IGHMBP2: variants seen among roughly 807,000 people sequenced by gnomAD.
IGHMBP2 encodes DNA-binding protein SMUBP-2.
In IGHMBP2, 81 loss-of-function variants were observed where a neutral mutation model predicts 96.0. The observed-to-expected ratio is 0.84, with a 90% CI of 0.71 to 1.01. The LOEUF is 1.01. Among genes scored for constraint, IGHMBP2 ranks in the 50% least tolerant of loss-of-function variants. The pLI is 0.00. For synonymous variants in IGHMBP2, 557 were observed against 548.9 expected (o/e 1.01, Z -0.21); for missense variants, 1,227 against 1,306.3 (o/e 0.94, Z 0.94).
intron 7 of IGHMBP2, among the ~76,000 whole-genome samples, chr11:68,925,347 C>T (rs1224383118): frequency 1.3e-5 from 2 of 151,944 alleles, no homozygotes; most frequent in Non-Finnish European, 2.9e-5. Context: ...CTGGATTTCA[C>T]CATGTTGGCC....
At chr11:68,911,059 A>C (rs1858410234) in intron 4 of IGHMBP2, among the ~76,000 whole-genome samples, 1 of 152,150 alleles carries the variant, frequency 6.6e-6, no homozygotes. Flanking sequence ...CATTTCCTTC[A>C]TTCCTGTTAC....
At chr11:68,904,093 C>T (rs1231118653) in intron 1 of IGHMBP2, 55 bp downstream of exon 1, 2 of 1,409,550 alleles carry the variant, frequency 1.4e-6, no homozygotes, top group Non-Finnish European at 2.0e-6. Flanking sequence ...GTGTCCCGGG[C>T]AGAGTCTCCG....
At chr11:68,929,715 G>T in intron 8 of IGHMBP2, 1 of 985,144 alleles carries the variant, frequency 1.0e-6, no homozygotes, top group African/African-American at 1.7e-5. Context: ...TGGCCTCTGG[G>T]TGGATGTGGG....
intron 12 of IGHMBP2, 141 bp downstream of exon 12, chr11:68,935,563 C>A (rs1458526129): frequency 9.8e-7 from 1 of 1,022,712 alleles, no homozygotes; most frequent in Non-Finnish European, 1.5e-6. Context: ...AGTAAGTTCA[C>A]GTCAGGCAAA....
intron 9 of IGHMBP2, 108 bp downstream of exon 9, chr11:68,933,589 G>A (rs150760181): frequency 3.1e-5 from 42 of 1,374,584 alleles, no homozygotes; most frequent in Non-Finnish European, 4.0e-5. Context: ...CATGAAAGTC[G>A]ACTCTGAGGC....
At chr11:68,934,131 G>A (rs754891122) in intron 10 of IGHMBP2, 25 of 618,862 alleles carry the variant, frequency 4.0e-5, no homozygotes, top group Non-Finnish European at 6.4e-5. Flanking sequence ...AGCATTTTAC[G>A]GCCTTCTCCT....
At position 68,934,532 on chromosome 11, in the gene IGHMBP2, G is replaced by A; in HGVS notation, c.1606G>A (p.Ala536Thr). The change falls in exon 11 of 15, where the codon GCT (alanine) becomes ACT (threonine). Residue 536 changes from alanine (A) to threonine (T), a missense_variant. Transcript: ENST00000255078. ...CGCTGGTGTTCCAGCCCGTGACATT[G>A]CTGTGGTCTCGCCATACAACCTCCA... is the stretch of plus-strand genomic sequence containing the variant. ...VDAGVPARDI[A>T]VVSPYNLQVD... The A allele has an allele frequency of 6.2e-7, 1 of 1,612,694 alleles. No individual in the cohort carries two copies. Among genetic ancestry groups the A allele is most frequent in the Non-Finnish European group, 8.5e-7 (1 of 1,179,334 alleles).
chr11:68,913,081 C>T (rs1049726782), intron 5 of IGHMBP2, among the ~76,000 whole-genome samples: 4 of 114,954 alleles, frequency 3.5e-5, no homozygotes, highest in Non-Finnish European at 5.8e-5. Flanking sequence ...AAAAAAACCA[C>T]GAGGAAACTG....
At chr11:68,905,739 C>T (rs570329693) in intron 1 of IGHMBP2, among the ~76,000 whole-genome samples, 5 of 152,214 alleles carry the variant, frequency 3.3e-5, no homozygotes, top group East Asian at 3.9e-4. Context: ...GGATTTGAAC[C>T]GGGGCTGTGG....
In IGHMBP2 at chr11:68,939,726, A is replaced by C. The variant is rs1271968797; in HGVS notation, c.2977A>C (p.Thr993Pro). ...GACCAGCCGGAGGAAGGAGAGGGGG[A>C]CGTGACCGGCCGCATCCTTGCACGC... ...QRTSRRKERG[T>P] The change falls in exon 15 of 15, where the codon ACG (threonine) becomes CCG (proline). Residue 993 changes from threonine to proline, a missense_variant. Coordinates refer to ENST00000255078, the MANE Select transcript of IGHMBP2 (RefSeq NM_002180.3). The C allele has an allele frequency of 1.2e-6, 2 of 1,608,418 alleles. No homozygotes were observed. The highest frequency in any genetic ancestry group is 8.5e-7 in the Non-Finnish European group (1 of 1,178,178).
At chr11:68,904,074 G>A (rs1366386050) in intron 1 of IGHMBP2, 36 bp downstream of exon 1, 2 of 1,511,046 alleles carry the variant, frequency 1.3e-6, no homozygotes, top group East Asian at 4.9e-5. Flanking sequence ...CCTCGCGGTC[G>A]GTCCCGCCGT....
intron 8 of IGHMBP2, chr11:68,932,319 G>C (rs888668795): frequency 2.6e-5 from 4 of 152,396 alleles, no homozygotes; most frequent in African/African-American, 9.7e-5. Context: ...TAATCACAGA[G>C]GTCTGGTAAG....
At chr11:68,915,098 G>T in intron 6 of IGHMBP2, 75 bp downstream of exon 6, 1 of 1,131,246 alleles carries the variant, frequency 8.8e-7, no homozygotes, top group Non-Finnish European at 1.3e-6. Context: ...AAATTTATCT[G>T]TCTGCATTCC....
At chr11:68,917,715 C>G (rs1198032736) in intron 6 of IGHMBP2, 21 bp from the exon 7 acceptor site, 2 of 1,598,262 alleles carry the variant, frequency 1.3e-6, no homozygotes, top group East Asian at 2.2e-5. Flanking sequence ...GTAAGTGTAT[C>G]TCCTTTGTTT....
intron 8 of IGHMBP2, among the ~76,000 whole-genome samples, chr11:68,931,845 A>G (rs1199007772): frequency 6.6e-6 from 1 of 152,114 alleles, no homozygotes; most frequent in African/African-American, 2.4e-5. Flanking sequence ...GCCCTTGAGC[A>G]GGGACCCTGT....
At chr11:68,927,043 G>A (rs1029936527) in intron 7 of IGHMBP2, among the ~76,000 whole-genome samples, 18 of 152,280 alleles carry the variant, frequency 1.2e-4, no homozygotes, top group African/African-American at 2.9e-4. Flanking sequence ...GATTACAGGC[G>A]TAAGCCACTG....
At chr11:68,910,745 T>C (rs574437835) in intron 4 of IGHMBP2, among the ~76,000 whole-genome samples, 2 of 152,144 alleles carry the variant, frequency 1.3e-5, no homozygotes, top group East Asian at 1.9e-4. Context: ...TAGCTGGGCA[T>C]GGTGGCACTC....
At position 68,933,284 on chromosome 11, in the gene IGHMBP2, C is replaced by T; in HGVS notation, c.1236-15C>T. 2.5e-6 allele frequency: 4 copies of T among 1,608,996 alleles called. No individual in the cohort carries two copies. Among genetic ancestry groups the T allele is most frequent in the Non-Finnish European group, 3.4e-6 (4 of 1,178,502 alleles). On this transcript the variant is annotated splice_polypyrimidine_tract_variant and intron_variant, in intron 8 of 14. Transcript: ENST00000255078. ...GCTCAGGCCTGCCTTCCCCCTTTCT[C>T]CCTCCTGGGCGCAGGGCTGCGCTGG...
At chr11:68,927,147 A>C (rs538283680) in intron 7 of IGHMBP2, among the ~76,000 whole-genome samples, 4 of 152,326 alleles carry the variant, frequency 2.6e-5, no homozygotes, top group African/African-American at 9.6e-5. Flanking sequence ...TTTTTGTTGA[A>C]AATGGATGAT....
Sources: gnomAD v4.1 joint callset for allele counts (sites outside exome capture counted in the v4.1 genomes callset) on GRCh38, gnomAD v4.1.1 for gene constraint, MANE v1.5 for transcripts, NCBI Gene and HGNC (gene_info 2026-07-23, HGNC 2026-07-21) for gene names.